GRAMD4: variants seen among roughly 807,000 people sequenced by gnomAD.
The protein encoded by GRAMD4 is GRAM domain containing 4.
A neutral mutation model predicts 83.9 loss-of-function variants in GRAMD4; 25 were observed. The observed-to-expected ratio is 0.30, with a 90% CI of 0.22 to 0.42. GRAMD4 has a LOEUF of 0.42. Ranked by LOEUF, GRAMD4 falls within the 10% of genes least tolerant of loss-of-function variation. GRAMD4 has a pLI of 1.00. For synonymous variants in GRAMD4, 336 were observed against 320.9 expected, an observed-to-expected ratio of 1.05 and a Z score of -0.50; for missense variants, 593 against 788.7, an observed-to-expected ratio of 0.75 and a Z score of 2.97.
chr22:46,652,599 G>T (rs562155294), intron 3 of GRAMD4, among the ~76,000 whole-genome samples: 1 of 152,334 alleles, frequency 6.6e-6, no homozygotes, highest in Non-Finnish European at 1.5e-5. Context: ...GCCCTGACCT[G>T]CAGGGCAGGG....
chr22:46,637,923 T>C lies in GRAMD4; in HGVS notation c.246T>C (p.Gly82=). The part of the protein sequence containing the change: ...TEFDRLNEIK[G]HLEIALLEKH... ...TTGATCGACTGAATGAGATCAAAGG[T>C]CACCTGGAAATTGCCTTATTGGAAA... Residue 82 remains glycine (G), a synonymous_variant, in exon 3 of 19, where the codon GGT becomes GGC. Coordinates refer to ENST00000406902, the MANE Select transcript of GRAMD4 (RefSeq NM_015124.5). 2 of 1,614,038 alleles carry C rather than the reference T, an allele frequency of 1.2e-6. No individual in the cohort carries two copies. Among genetic ancestry groups the C allele is most frequent in the Non-Finnish European group, 1.7e-6 (2 of 1,179,906 alleles).
chr22:46,672,895 C>T lies in GRAMD4; in HGVS notation c.1137C>T (p.Cys379=). 1.2e-6 allele frequency: 2 copies of T among 1,612,414 alleles called. No individual in the cohort carries two copies. The highest frequency in any genetic ancestry group is 1.1e-5 in the South Asian group (1 of 91,078). Residue 379 remains cysteine, a synonymous_variant, in exon 14 of 19, where the codon TGC becomes TGT. Transcript: ENST00000406902. This position sits in a 1 kb window ranked among gnomAD's most constrained non-coding sequence, Gnocchi z 4.7. ...TCATTGATTTCATCTTTAAACGCTG[C>T]CCGAGGCTGCGCGCCAAGTACGACA... ...FFLIDFIFKR[C]PRLRAKYDTP...
chr22:46,648,134 A>T (rs2082097801), intron 3 of GRAMD4, among the ~76,000 whole-genome samples: 1 of 151,864 alleles, frequency 6.6e-6, no homozygotes, highest in African/African-American at 2.4e-5. Flanking sequence ...GGATGGGTAG[A>T]TGGATGCATT....
chr22:46,680,597 C>CCCACCCAT (rs1569313483), downstream of GRAMD4, among the ~76,000 whole-genome samples: 3 of 131,758 alleles, frequency 2.3e-5, no homozygotes, highest in East Asian at 2.6e-4. Flanking sequence ...CATCCATCCA[C>CCCACCCAT]CCACCCATTC....
chr22:46,651,217 C>T (rs975191878), intron 3 of GRAMD4, among the ~76,000 whole-genome samples: 3 of 152,232 alleles, frequency 2.0e-5, no homozygotes, highest in African/African-American at 4.8e-5. Context: ...TTCTAGGTTC[C>T]GACTCACTCC....
intron 1 of GRAMD4, among the ~76,000 whole-genome samples, chr22:46,581,861 A>G (rs992528739): frequency 6.6e-6 from 1 of 152,182 alleles, no homozygotes; most frequent in Non-Finnish European, 1.5e-5. Flanking sequence ...TGGGCAAGAC[A>G]CCTAACCTCT....
intron 1 of GRAMD4, chr22:46,587,969 G>C: frequency 1.0e-6 from 1 of 984,100 alleles, no homozygotes; most frequent in Non-Finnish European, 1.2e-6. Flanking sequence ...TGAGGGTCCA[G>C]GGGGCCAGGG....
chr22:46,588,070 C>T (rs2081168863), intron 1 of GRAMD4: 1 of 527,444 alleles, frequency 1.9e-6, no homozygotes, highest in Admixed American at 6.3e-5. Flanking sequence ...GGGACAGCCC[C>T]AGCCCTGGTG....
upstream of GRAMD4, among the ~76,000 whole-genome samples, chr22:46,617,612 C>T (rs979450980): frequency 3.3e-5 from 5 of 152,134 alleles, no homozygotes; most frequent in Admixed American, 6.5e-5. Flanking sequence ...AGGATCCCAG[C>T]ACACAGAGGA....
chr22:46,603,513 CT>C, intron 1 of GRAMD4, among the ~76,000 whole-genome samples: 1 of 106,014 alleles, frequency 9.4e-6, no homozygotes, highest in Admixed American at 1.1e-4. Flanking sequence ...CCGGCCTCTT[CT>C]CTTTTTTTTT....
At chr22:46,589,175 C>T (rs1419867912) in intron 1 of GRAMD4, among the ~76,000 whole-genome samples, 1 of 151,660 alleles carries the variant, frequency 6.6e-6, no homozygotes, top group Admixed American at 6.6e-5. Flanking sequence ...GGCTCAGTGT[C>T]CTTGTCCCTC....
intron 1 of GRAMD4, chr22:46,588,088 A>G (rs1448973386): frequency 1.2e-5 from 4 of 333,324 alleles, no homozygotes; most frequent in African/African-American, 2.2e-5. Context: ...GTGGAGCCCC[A>G]TGGAGCCGCC....
intron 3 of GRAMD4, among the ~76,000 whole-genome samples, chr22:46,657,047 C>T (rs1019036862): frequency 3.3e-5 from 5 of 152,248 alleles, no homozygotes; most frequent in Admixed American, 6.5e-5. Flanking sequence ...GCCCCGTAAA[C>T]CAGCATTGTT....
At chr22:46,611,449 G>T (rs1208467521) in intron 1 of GRAMD4, among the ~76,000 whole-genome samples, 2 of 152,076 alleles carry the variant, frequency 1.3e-5, no homozygotes, top group African/African-American at 4.8e-5. Flanking sequence ...TCGTGTTCCT[G>T]TTGTGCCACT....
upstream of GRAMD4, among the ~76,000 whole-genome samples, chr22:46,620,131 A>G (rs951658522): frequency 1.3e-5 from 2 of 151,682 alleles, no homozygotes; most frequent in African/African-American, 4.8e-5. The surrounding 1 kb of genome is among the most constrained non-coding windows in gnomAD (Gnocchi z 4.7). Context: ...TTTTTTTTAA[A>G]TCTTGGGCTG....
At chr22:46,604,534 C>T (rs1356316820) in intron 1 of GRAMD4, among the ~76,000 whole-genome samples, 3 of 152,230 alleles carry the variant, frequency 2.0e-5, no homozygotes, top group Admixed American at 2.0e-4. Context: ...ACTCCGCACC[C>T]ACAAAGCACT....
rs1444113269 is a variant in GRAMD4 at position 46,622,328 on chromosome 22, C to T, written c.-50+1763C>T. Among the ~76,000 whole-genome samples, 1 of 152,172 alleles carries T rather than the reference C, an allele frequency of 6.6e-6. No individual in the cohort carries two copies. The highest frequency in any genetic ancestry group is 1.5e-5 in the Non-Finnish European group (1 of 68,028). On this transcript the variant is annotated intron_variant, in intron 1 of 18. Coordinates refer to ENST00000406902, the MANE Select transcript of GRAMD4 (RefSeq NM_015124.5). This position sits in a 1 kb window ranked among gnomAD's most constrained non-coding sequence, Gnocchi z 4.0. ...CGGTGCCCTACACAGGGCCTGCAGG[C>T]CCCAGCGCCCGGGTCATCCCCTCCG...
chr22:46,671,634 C>T lies in GRAMD4; in HGVS notation c.1085-1209C>T, dbSNP rs191261436. ...TCATGTTGCTGCACTCCTGCCTGGG[C>T]GACAGAGCAAGACTCCGTCTCAAAA... is the stretch of plus-strand genomic sequence containing the variant. On this transcript the variant is annotated intron_variant, in intron 13 of 18. Coordinates refer to ENST00000406902, the MANE Select transcript of GRAMD4 (RefSeq NM_015124.5). 1.5e-4 allele frequency among the ~76,000 whole-genome samples: 23 copies of T among 151,378 alleles called. No individual in the cohort carries two copies. In the East Asian group the frequency reaches 2.9e-3, roughly 19 times the overall value.
At chr22:46,671,849 C>A (rs2082511682) in intron 13 of GRAMD4, among the ~76,000 whole-genome samples, 1 of 152,142 alleles carries the variant, frequency 6.6e-6, no homozygotes, top group Non-Finnish European at 1.5e-5. Flanking sequence ...AAAGAATCAA[C>A]AAGTTGAGAA....
Sources: gnomAD v4.1 joint callset for allele counts (sites outside exome capture counted in the v4.1 genomes callset) on GRCh38, gnomAD v4.1.1 for gene constraint, Gnocchi (gnomAD v3.1) non-coding constraint, MANE v1.5 for transcripts, NCBI Gene and HGNC (gene_info 2026-07-23, HGNC 2026-07-21) for gene names.